Variants in BLTP1 observed in about 807,000 individuals in gnomAD.
BLTP1 encodes fragile site-associated protein.
the BLTP1 span, among the ~76,000 whole-genome samples, chr4:122,204,227 G>A: frequency 6.6e-6 from 1 of 151,870 alleles, no homozygotes; most frequent in East Asian, 1.9e-4. Context: ...AGTGTGAAAT[G>A]TGAAGCTGAC....
the BLTP1 span, chr4:122,289,457 G>A: frequency 8.2e-6 from 8 of 973,070 alleles, no homozygotes; most frequent in Non-Finnish European, 9.8e-6. Context: ...AAAGCTTACA[G>A]TATGTCTATT....
chr4:122,171,238 A>G, the BLTP1 span, among the ~76,000 whole-genome samples: 2 of 152,194 alleles, frequency 1.3e-5, no homozygotes, highest in Admixed American at 6.5e-5. Context: ...TTCTAGGTAT[A>G]TAGAAATAGC....
chr4:122,169,543 T>C, the BLTP1 span: 1 of 777,868 alleles, frequency 1.3e-6, no homozygotes. Flanking sequence ...GGGTTAGTCA[T>C]ATGTTACTAT....
the BLTP1 span, chr4:122,362,201 T>C: frequency 1.2e-6 from 2 of 1,613,264 alleles, no homozygotes; most frequent in Non-Finnish European, 8.5e-7. Flanking sequence ...GGTACTGCAC[T>C]ACAGGATGAA....
the BLTP1 span, chr4:122,254,511 A>T: frequency 2.2e-6 from 2 of 925,648 alleles, no homozygotes. Flanking sequence ...CATTAGTCTT[A>T]CCTTGTTTGA....
chr4:122,302,252 T>G, the BLTP1 span: 4 of 982,052 alleles, frequency 4.1e-6, no homozygotes, highest in Non-Finnish European at 3.6e-6. Context: ...ACACGAGAAA[T>G]TAACGTTGCC....
chr4:122,270,868 GA>G, the BLTP1 span: 2 of 1,074,636 alleles, frequency 1.9e-6, no homozygotes, highest in East Asian at 2.6e-5. Context: ...CTGGCCTAGT[GA>G]AAAAGCATAT....
the BLTP1 span, chr4:122,238,065 C>G: frequency 6.2e-7 from 1 of 1,602,696 alleles, no homozygotes; most frequent in South Asian, 1.1e-5. Flanking sequence ...TTTGTGTGTT[C>G]ACTTAACCCA....
chr4:122,342,835 A>G, the BLTP1 span, among the ~76,000 whole-genome samples: 9 of 152,364 alleles, frequency 5.9e-5, no homozygotes, highest in Non-Finnish European at 1.2e-4. Context: ...CTGGACATAC[A>G]TTTTGGAATC....
chr4:122,249,405 G>A, the BLTP1 span: 2 of 1,549,998 alleles, frequency 1.3e-6, no homozygotes, highest in African/African-American at 2.7e-5. Flanking sequence ...CAACCAGTGT[G>A]CCATATGTCC....
chr4:122,329,806 T>C, the BLTP1 span, among the ~76,000 whole-genome samples: 1 of 151,788 alleles, frequency 6.6e-6, no homozygotes, highest in Non-Finnish European at 1.5e-5. Context: ...CAGTGTTATC[T>C]GTAGGCACAA....
chr4:122,325,414 T>G, the BLTP1 span: 3 of 1,425,528 alleles, frequency 2.1e-6, no homozygotes, highest in Non-Finnish European at 2.8e-6. Context: ...AATACTGATT[T>G]CTTACTATAA....
the BLTP1 span, chr4:122,273,546 C>T: frequency 2.0e-6 from 1 of 491,826 alleles, no homozygotes; most frequent in South Asian, 8.7e-5. Context: ...AATGACCATA[C>T]TCATTTATGG....
chr4:122,302,417 T>A, the BLTP1 span, among the ~76,000 whole-genome samples: 1 of 152,256 alleles, frequency 6.6e-6, no homozygotes, highest in African/African-American at 2.4e-5. Flanking sequence ...CATATTTTAC[T>A]AATTCTCACA....
the BLTP1 span, among the ~76,000 whole-genome samples, chr4:122,337,499 T>C: frequency 6.6e-6 from 1 of 152,138 alleles, no homozygotes; most frequent in Non-Finnish European, 1.5e-5. Context: ...GTGTATCACT[T>C]TCGCCCAGCC....
chr4:122,267,137 C>T, the BLTP1 span, among the ~76,000 whole-genome samples: 1 of 133,636 alleles, frequency 7.5e-6, no homozygotes, highest in Non-Finnish European at 1.5e-5. Flanking sequence ...CGGCTTACTG[C>T]AAGCTCCACC....
chr4:122,152,899 C>G, the BLTP1 span: 2 of 712,364 alleles, frequency 2.8e-6, no homozygotes, highest in Non-Finnish European at 3.4e-6. Context: ...GGACCGTGCA[C>G]CCGCAGGCTC....
the BLTP1 span, among the ~76,000 whole-genome samples, chr4:122,231,148 C>T: frequency 1.3e-5 from 2 of 152,104 alleles, no homozygotes; most frequent in Admixed American, 1.3e-4. Context: ...CCCATGCTTT[C>T]TGGCTGTTTC....
At chr4:122,256,102 G>T in the BLTP1 span, 2 of 982,846 alleles carry the variant, frequency 2.0e-6, no homozygotes, top group Non-Finnish European at 2.4e-6. Flanking sequence ...GAACTTTTAG[G>T]ATCTCTCTTC....
Sources: allele counts gnomAD v4.1 joint callset (sites outside exome capture counted in the v4.1 genomes callset), GRCh38; gene constraint gnomAD v4.1.1; transcripts MANE v1.5; gene names NCBI Gene and HGNC (gene_info 2026-07-23, HGNC 2026-07-21).